The following MAK variants were observed in gnomAD, a reference collection of about 807,000 sequenced individuals.
MAK encodes the protein serine/threonine-protein kinase MAK.
In MAK, 65 loss-of-function variants were observed where a neutral mutation model predicts 82.6. The ratio of observed to expected loss-of-function variants is 0.79; its 90% CI spans 0.64 to 0.97. MAK has a LOEUF of 0.97. MAK is among the 50% of genes least tolerant of loss of function. MAK has a pLI of 0.00. For synonymous variants in MAK, 250 were observed against 274.2 expected, an observed-to-expected ratio of 0.91 and a Z score of 0.87; for missense variants, 703 against 780.2, an observed-to-expected ratio of 0.90 and a Z score of 1.18.
intron 14 of MAK, among the ~76,000 whole-genome samples, chr6:10,765,499 G>A (rs1335698482): frequency 1.4e-5 from 2 of 139,886 alleles, no homozygotes; most frequent in Non-Finnish European, 3.0e-5. Context: ...CGCCCTTGTT[G>A]CCCAGGCTGG....
Position 10,784,464 on chromosome 6 carries a change from G to A in MAK, c.1425C>T (p.Thr475=), listed in dbSNP as rs1247321736. 2 of 1,614,032 alleles carry A rather than the reference G, an allele frequency of 1.2e-6. No individual in the cohort carries two copies. Among genetic ancestry groups the A allele is most frequent in the Non-Finnish European group, 1.7e-6 (2 of 1,180,026 alleles). The change falls in exon 11 of 15, where the codon ACC becomes ACT. Residue 475 remains threonine (T), a synonymous_variant. Transcript: ENST00000354489. ...KSDSELSTAP[T]SKQYYLKQSR... is the part of the protein sequence containing the mutation. ...ATTGTTTCAAGTAGTACTGTTTAGA[G>A]GTTGGAGCAGTTGACAATTCGGAAT...
rs956986065 is a variant in MAK, at chr6:10,795,904, A to T, written c.1143+94T>A. ...GGTCTTTAACAAAGAAAAATCTTTT[A>T]TATCTTTTCCAACATTATTAGAAAT... On this transcript the variant is annotated intron_variant, in intron 9 of 14. Coordinates refer to ENST00000354489, the MANE Select transcript of MAK (RefSeq NM_001242957.3). 2.9e-6 allele frequency: 4 copies of T among 1,373,004 alleles called. No homozygotes were observed. In the African/African-American group the frequency reaches 4.3e-5, roughly 15 times the overall value. The allele number at this position is 1,373,004 out of a possible 1,614,324, so 85.1% of individuals were successfully genotyped here. A position where few individuals can be genotyped will look rare whatever the true frequency, so the allele number is the denominator to read the frequency against.
At chr6:10,812,049 A>G (rs1296924888) in intron 5 of MAK, among the ~76,000 whole-genome samples, 1 of 152,034 alleles carries the variant, frequency 6.6e-6, no homozygotes, top group Admixed American at 6.6e-5. Context: ...AAAAGAAAAA[A>G]ATTAGCTGGG....
intron 4 of MAK, among the ~76,000 whole-genome samples, chr6:10,814,675 A>G (rs1383220186): frequency 6.6e-6 from 1 of 151,914 alleles, no homozygotes; most frequent in Non-Finnish European, 1.5e-5. Flanking sequence ...TCCAAAAAAA[A>G]AAGCGGGGGG....
chr6:10,835,986 C>G (rs1047469101), intron 1 of MAK, among the ~76,000 whole-genome samples: 1 of 152,212 alleles, frequency 6.6e-6, no homozygotes, highest in Non-Finnish European at 1.5e-5. Flanking sequence ...ACTTTCGACC[C>G]AAGCCTGCGT....
chr6:10,826,450 A>C (rs1411655787), intron 2 of MAK: 1 of 152,120 alleles, frequency 6.6e-6, no homozygotes, highest in Non-Finnish European at 1.5e-5. Flanking sequence ...TTTTGTCCCG[A>C]TCATGAAATA....
In MAK at chr6:10,830,597, C is replaced by A. The variant is rs1454917334; in HGVS notation, c.52G>T (p.Val18Leu). 6.2e-7 allele frequency: 1 copy of A among 1,614,084 alleles called. No homozygotes were observed. Among genetic ancestry groups the A allele is most frequent in the Non-Finnish European group, 8.5e-7 (1 of 1,180,040 alleles). ...RQLGDGTYGS[V>L]LMGKSNESGE... The stretch of plus-strand genomic sequence containing the variant: ...GATTCATTACTCTTGCCCATAAGCA[C>A]ACTCCCATACGTGCCGTCCCCCAAC... Residue 18 changes from valine to leucine, a missense_variant, in exon 2 of 15, where the codon GTG becomes TTG. Physicochemically the swap from Val to Leu is conservative, Grantham distance 32. Coordinates refer to ENST00000354489, the MANE Select transcript of MAK (RefSeq NM_001242957.3).
intron 13 of MAK, among the ~76,000 whole-genome samples, chr6:10,771,493 C>A (rs1301270401): frequency 6.6e-6 from 1 of 152,184 alleles, no homozygotes; most frequent in Non-Finnish European, 1.5e-5. Flanking sequence ...ATAGGAGGAG[C>A]TAGCTCTGCA....
intron 11 of MAK, among the ~76,000 whole-genome samples, chr6:10,783,708 G>A (rs1271967450): frequency 1.3e-5 from 2 of 152,174 alleles, no homozygotes; most frequent in Admixed American, 6.5e-5. Context: ...CTTCCGAGCA[G>A]GCAGAATCTT....
chr6:10,773,231 T>C (rs962318516), intron 12 of MAK, 123 bp from the exon 13 acceptor site: 17 of 513,238 alleles, frequency 3.3e-5, no homozygotes, highest in African/African-American at 1.9e-4. Flanking sequence ...AATGCAAAAA[T>C]GTCCCCATTG....
At chr6:10,813,122 ATATATATATATAAATTTTTTTTT>A (rs1777143930) in intron 5 of MAK, among the ~76,000 whole-genome samples, 24 of 1,622 alleles carry the variant, frequency 0.015, 1 homozygote, top group African/African-American at 0.057. Context: ...ATATATATAT[ATATATATATATAAATTTTTTTTT>A]TTTTTTTTTT....
At chr6:10,785,636 G>A (rs1561948157) in intron 10 of MAK, among the ~76,000 whole-genome samples, 1 of 152,334 alleles carries the variant, frequency 6.6e-6, no homozygotes, top group East Asian at 1.9e-4. Flanking sequence ...CTTCCCCTGA[G>A]CCCACTGCTG....
intron 10 of MAK, 167 bp from the exon 11 acceptor site, chr6:10,784,739 C>T (rs572128348): frequency 3.3e-5 from 23 of 701,232 alleles, no homozygotes; most frequent in African/African-American, 5.3e-5. Flanking sequence ...CCCCTCCACC[C>T]GCGTAGATAT....
intron 5 of MAK, among the ~76,000 whole-genome samples, chr6:10,810,059 C>T (rs890313431): frequency 2.5e-4 from 37 of 148,422 alleles, no homozygotes; most frequent in African/African-American, 8.7e-4. Context: ...GATCATGCCA[C>T]CGCACTCCAG....
At chr6:10,830,124 CGTGTGTGT>C (rs35519970) in intron 2 of MAK, among the ~76,000 whole-genome samples, 100 of 141,582 alleles carry the variant, frequency 7.1e-4, no homozygotes, top group South Asian at 1.6e-3. Flanking sequence ...CCTGTGTGCA[CGTGTGTGT>C]GTGTGTGTGT....
At chr6:10,799,814 G>A (rs745435891) in intron 8 of MAK, among the ~76,000 whole-genome samples, 1 of 152,100 alleles carries the variant, frequency 6.6e-6, no homozygotes, top group South Asian at 2.1e-4. Flanking sequence ...TAGGGAGGCC[G>A]AGGTGGGTGG....
At position 10,823,806 on chromosome 6, in the gene MAK, A is replaced by G. The variant is rs186889750; in HGVS notation, c.102-4866T>C. Among the ~76,000 whole-genome samples the G allele has an allele frequency of 2.5e-3, 375 of 152,318 alleles. 3 individuals carry two copies. Among genetic ancestry groups the G allele is most frequent in the African/African-American group, 8.7e-3 (361 of 41,566 alleles). ...TGGCCTCCCAAAGTGCTGGGATTACAGGCATCAGCCACCACACCCGGCCTG... is the reference window on the plus strand; with the variant it reads ...TGGCCTCCCAAAGTGCTGGGATTACGGGCATCAGCCACCACACCCGGCCTG... On this transcript the variant is annotated intron_variant, in intron 2 of 14. Transcript: ENST00000354489.
chr6:10,770,372 G>T, intron 13 of MAK, 142 bp from the exon 14 acceptor site: 1 of 915,968 alleles, frequency 1.1e-6, no homozygotes, highest in African/African-American at 1.6e-5. Context: ...ACTTGTTACA[G>T]ATATTCTTAT....
At chr6:10,799,193 A>G (rs1775820765) in intron 8 of MAK, among the ~76,000 whole-genome samples, 2 of 152,176 alleles carry the variant, frequency 1.3e-5, no homozygotes, top group South Asian at 4.1e-4. Context: ...AACATCTTTG[A>G]GCATAATTTC....
Sources: allele counts gnomAD v4.1 joint callset (sites outside exome capture counted in the v4.1 genomes callset), GRCh38; gene constraint gnomAD v4.1.1; transcripts MANE v1.5; gene names NCBI Gene and HGNC (gene_info 2026-07-23, HGNC 2026-07-21).